The following GABRA5 variants were observed in gnomAD, a reference collection of about 807,000 sequenced individuals.
GABRA5 encodes gamma-aminobutyric acid receptor subunit alpha-5.
Under a neutral mutation model 47.3 loss-of-function variants are expected in GABRA5, and 18 were observed. That is an observed-to-expected ratio of 0.38 (90% confidence interval 0.26 to 0.56). GABRA5 has a LOEUF of 0.56. Among genes scored for constraint, GABRA5 ranks in the 20% least tolerant of loss-of-function variants. The probability of loss-of-function intolerance (pLI) is 0.71; values close to 1 mark genes in which losing one functional copy is unlikely to be tolerated. For missense variants in GABRA5, 365 were observed against 599.3 expected (o/e 0.61, Z 4.08); for synonymous variants, 237 against 229.3 (o/e 1.03, Z -0.30).
At position 26,892,017 on chromosome 15, in the gene GABRA5, G is replaced by C. The variant is rs1893018900; in HGVS notation, c.497+8460G>C. ...GGAAAATTCGGAGCAGCCACCGCCT[G>C]GCAGGAGTGAGGCAGATGCGATTAG... On this transcript the variant is annotated intron_variant, in intron 6 of 10. Coordinates refer to ENST00000335625, the MANE Select transcript of GABRA5 (RefSeq NM_000810.4). Among the ~76,000 whole-genome samples the C allele has an allele frequency of 3.3e-5, 5 of 152,342 alleles. No homozygotes were observed. In the South Asian group the frequency reaches 1.0e-3, roughly 32 times the overall value.
intron 6 of GABRA5, among the ~76,000 whole-genome samples, chr15:26,887,984 T>G (rs1892919587): frequency 6.6e-6 from 1 of 152,188 alleles, no homozygotes; most frequent in African/African-American, 2.4e-5. Context: ...TGAATAAGAT[T>G]TTTTAATGGG....
intron 3 of GABRA5, among the ~76,000 whole-genome samples, chr15:26,874,706 G>T (rs1034278263): frequency 2.7e-4 from 41 of 152,182 alleles, no homozygotes; most frequent in African/African-American, 9.7e-4. Context: ...AGTAAGACCT[G>T]CAGTGAAACA....
chr15:26,895,972 T>C (rs1468453923), intron 6 of GABRA5, among the ~76,000 whole-genome samples: 2 of 152,074 alleles, frequency 1.3e-5, no homozygotes, highest in South Asian at 4.2e-4. Flanking sequence ...CCTGCCTCCA[T>C]GCACAGTGGT....
chr15:26,902,375 A>G (rs1893348471), intron 6 of GABRA5, among the ~76,000 whole-genome samples: 2 of 152,150 alleles, frequency 1.3e-5, no homozygotes, highest in East Asian at 1.9e-4. Flanking sequence ...ATTTATACCT[A>G]AAGATTTCAC....
Position 26,867,239 on chromosome 15 carries a change from C to T in GABRA5, c.-140+128C>T, listed in dbSNP as rs1036934613. 1 of 150,884 alleles carries T rather than the reference C, an allele frequency of 6.6e-6. No homozygotes were observed. Among genetic ancestry groups the T allele is most frequent in the Non-Finnish European group, 1.5e-5 (1 of 67,628 alleles). The allele number at this position is 150,884 out of a possible 1,614,324, so 9.3% of individuals were successfully genotyped here. A position where few individuals can be genotyped will look rare whatever the true frequency, so the allele number is the denominator to read the frequency against. On this transcript the variant is annotated intron_variant, in intron 1 of 10. Coordinates refer to ENST00000335625, the MANE Select transcript of GABRA5 (RefSeq NM_000810.4). This position sits in a 1 kb window ranked among gnomAD's most constrained non-coding sequence, Gnocchi z 5.9. The stretch of plus-strand genomic sequence containing the variant: ...AGCGCGGGGCGCAAGAGCCGCTCCG[C>T]CGGGAGTGCCGGGGAAGTTCGCGCT...
chr15:26,883,081 C>T lies in GABRA5; in HGVS notation c.209-85C>T. 1 of 1,100,996 alleles carries T rather than the reference C, an allele frequency of 9.1e-7. No individual in the cohort carries two copies. Among genetic ancestry groups the T allele is most frequent in the Non-Finnish European group, 1.4e-6 (1 of 712,526 alleles). 68.2% of individuals were successfully genotyped at this position (1,100,996 alleles called of 1,614,324 possible). A position where few individuals can be genotyped will look rare whatever the true frequency, so the allele number is the denominator to read the frequency against. On this transcript the variant is annotated intron_variant, in intron 4 of 10. Transcript: ENST00000335625. This position sits in a 1 kb window ranked among gnomAD's most constrained non-coding sequence, Gnocchi z 4.8. ...AAAGCCCCCGGTTGCAGAGGGTGAC[C>T]CTGGTTACTGGACTGAGAGCACGAG...
At chr15:26,871,500 T>A (rs964261350) in intron 3 of GABRA5, among the ~76,000 whole-genome samples, 1 of 152,142 alleles carries the variant, frequency 6.6e-6, no homozygotes, top group Non-Finnish European at 1.5e-5. Flanking sequence ...TTTTTAATCT[T>A]TTAGGTATAT....
At chr15:26,884,439 G>T (rs1892824621) in intron 6 of GABRA5, among the ~76,000 whole-genome samples, 1 of 151,824 alleles carries the variant, frequency 6.6e-6, no homozygotes, top group Non-Finnish European at 1.5e-5. Flanking sequence ...TTCCAAAGTG[G>T]GTCTATGGAA....
At chr15:26,933,379 G>T (rs369966642) in intron 7 of GABRA5, among the ~76,000 whole-genome samples, 6 of 152,188 alleles carry the variant, frequency 3.9e-5, no homozygotes, top group East Asian at 3.9e-4. Flanking sequence ...GGAAGGAGCT[G>T]GTGCATTGAA....
At chr15:26,873,967 T>C (rs1892532123) in intron 3 of GABRA5, among the ~76,000 whole-genome samples, 1 of 152,176 alleles carries the variant, frequency 6.6e-6, no homozygotes, top group African/African-American at 2.4e-5. Context: ...AATTCTCAGT[T>C]ATCTGCTTTA....
chr15:26,928,434 G>A (rs1894011703), intron 7 of GABRA5, among the ~76,000 whole-genome samples: 2 of 152,148 alleles, frequency 1.3e-5, no homozygotes. Context: ...TCACGTTGAT[G>A]CGTTAGTTAC....
intron 6 of GABRA5, among the ~76,000 whole-genome samples, chr15:26,900,914 G>T (rs1893312764): frequency 6.6e-6 from 1 of 151,912 alleles, no homozygotes; most frequent in South Asian, 2.1e-4. Context: ...TTCTTTTATA[G>T]TTTTGCCTTT....
At chr15:26,908,864 T>C (rs1166462310) in intron 6 of GABRA5, among the ~76,000 whole-genome samples, 4 of 152,226 alleles carry the variant, frequency 2.6e-5, no homozygotes, top group African/African-American at 7.2e-5. Flanking sequence ...GAACATGATG[T>C]GAGCTACTTA....
At chr15:26,908,722 G>T (rs534225599) in intron 6 of GABRA5, among the ~76,000 whole-genome samples, 1 of 152,180 alleles carries the variant, frequency 6.6e-6, no homozygotes, top group Non-Finnish European at 1.5e-5. Flanking sequence ...GTCACGGGTA[G>T]CATCTTCACA....
In GABRA5 at chr15:26,873,781, G is replaced by C. The variant is rs143358982; in HGVS notation, c.86+4447G>C. Among the ~76,000 whole-genome samples, 384 of 152,294 alleles carry C rather than the reference G, an allele frequency of 2.5e-3. 1 individual carries two copies. Among genetic ancestry groups the C allele is most frequent in the Non-Finnish European group, 4.2e-3 (283 of 68,032 alleles). ...GACAGTTATGATAACAATTCTGAAA[G>C]CACTCAGAAAGCCCACTGAAGCAGG... is the stretch of plus-strand genomic sequence containing the variant. On this transcript the variant is annotated intron_variant, in intron 3 of 10. Coordinates refer to ENST00000335625, the MANE Select transcript of GABRA5 (RefSeq NM_000810.4).
chr15:26,871,619 T>C (rs962310035), intron 3 of GABRA5, among the ~76,000 whole-genome samples: 2 of 152,196 alleles, frequency 1.3e-5, no homozygotes, highest in Non-Finnish European at 2.9e-5. Flanking sequence ...GAGACAACCA[T>C]GCTTCCCATT....
intron 10 of GABRA5, among the ~76,000 whole-genome samples, chr15:26,945,699 A>C (rs1404187468): frequency 6.6e-6 from 1 of 152,162 alleles, no homozygotes; most frequent in Non-Finnish European, 1.5e-5. Context: ...ACACCTGGCC[A>C]CACTGCCTGC....
chr15:26,937,791 T>A (rs985190207), intron 8 of GABRA5, among the ~76,000 whole-genome samples: 7 of 152,220 alleles, frequency 4.6e-5, no homozygotes, highest in African/African-American at 1.2e-4. Flanking sequence ...TGGGCTGGCC[T>A]GAGCCCTGCA....
intron 10 of GABRA5, among the ~76,000 whole-genome samples, chr15:26,944,198 G>T (rs909018383): frequency 6.6e-6 from 1 of 152,172 alleles, no homozygotes; most frequent in Non-Finnish European, 1.5e-5. Context: ...GAGAGGCCTC[G>T]AAGTGTAAGT....
Sources: allele counts gnomAD v4.1 joint callset (sites outside exome capture counted in the v4.1 genomes callset), GRCh38; gene constraint gnomAD v4.1.1; non-coding constraint Gnocchi (gnomAD v3.1); transcripts MANE v1.5; gene names NCBI Gene and HGNC (gene_info 2026-07-23, HGNC 2026-07-21).